WDR49: variants seen among roughly 807,000 people sequenced by gnomAD.
The protein encoded by WDR49 is cilia- and flagella-associated protein 337.
In WDR49, 107 loss-of-function variants were observed where a neutral mutation model predicts 119.5. That is an observed-to-expected ratio of 0.90 (90% CI 0.77 to 1.05). WDR49 has a LOEUF of 1.05. Ranked by LOEUF, WDR49 falls within the 50% of genes least tolerant of loss-of-function variation. The pLI, the probability that WDR49 is intolerant of heterozygous loss-of-function variation, is 0.00. For missense variants in WDR49, 1,240 were observed against 1,220.5 expected, an observed-to-expected ratio of 1.02 and a Z score of -0.24; for synonymous variants, 425 against 418.8, an observed-to-expected ratio of 1.01 and a Z score of -0.18.
intron 10 of WDR49, among the ~76,000 whole-genome samples, chr3:167,539,019 T>C (rs1469482266): frequency 6.6e-6 from 1 of 152,134 alleles, no homozygotes; most frequent in Non-Finnish European, 1.5e-5. Flanking sequence ...TATCCTTGCT[T>C]TTCAGTTATA....
At chr3:167,637,086 G>GT (rs1717654266) in intron 2 of WDR49, among the ~76,000 whole-genome samples, 1 of 151,726 alleles carries the variant, frequency 6.6e-6, no homozygotes, top group Non-Finnish European at 1.5e-5. Flanking sequence ...CTCTAGAATG[G>GT]TTTTTCCAAT....
At chr3:167,645,325 CT>C (rs1230163703) in intron 2 of WDR49, among the ~76,000 whole-genome samples, 4 of 152,086 alleles carry the variant, frequency 2.6e-5, no homozygotes, top group African/African-American at 7.2e-5. Context: ...ATTCTCCCCC[CT>C]CAGCCTCCCG....
chr3:167,640,640 C>T (rs974945553), intron 2 of WDR49, among the ~76,000 whole-genome samples: 5 of 151,694 alleles, frequency 3.3e-5, no homozygotes, highest in African/African-American at 1.2e-4. Context: ...TTGAGATTCC[C>T]GTTTAGTTGG....
At chr3:167,591,324 CAT>C (rs1460157796) in intron 7 of WDR49, among the ~76,000 whole-genome samples, 32 of 152,088 alleles carry the variant, frequency 2.1e-4, no homozygotes, top group Admixed American at 2.1e-3. Context: ...CATGACCTAA[CAT>C]ATGGTCTATC....
intron 7 of WDR49, among the ~76,000 whole-genome samples, chr3:167,581,125 G>A (rs1367381532): frequency 6.6e-6 from 1 of 152,060 alleles, no homozygotes; most frequent in Non-Finnish European, 1.5e-5. Context: ...AAGCACCTAA[G>A]TTTATGATTT....
At chr3:167,521,491 T>G (rs1752432549) in intron 16 of WDR49, among the ~76,000 whole-genome samples, 1 of 152,210 alleles carries the variant, frequency 6.6e-6, no homozygotes, top group African/African-American at 2.4e-5. Context: ...TCTCTGGTGT[T>G]TCACCTGTTT....
At chr3:167,617,510 T>A (rs1716657560) in intron 5 of WDR49, among the ~76,000 whole-genome samples, 1 of 152,108 alleles carries the variant, frequency 6.6e-6, no homozygotes, top group South Asian at 2.1e-4. Flanking sequence ...TGGGCGACAG[T>A]CTGAGTGAGA....
chr3:167,589,691 G>C (rs1257379453), intron 7 of WDR49, among the ~76,000 whole-genome samples: 1 of 151,732 alleles, frequency 6.6e-6, no homozygotes, highest in Non-Finnish European at 1.5e-5. Flanking sequence ...AATTTTATTT[G>C]TAGCTATTCT....
chr3:167,504,259 T>C (rs1751688099), intron 17 of WDR49, among the ~76,000 whole-genome samples: 1 of 152,126 alleles, frequency 6.6e-6, no homozygotes, highest in African/African-American at 2.4e-5. Context: ...CACTCAACTC[T>C]AACCCATGAG....
At chr3:167,604,521 T>C (rs920167086) in intron 5 of WDR49, 53 bp from the exon 6 acceptor site, 9 of 1,480,064 alleles carry the variant, frequency 6.1e-6, no homozygotes, top group Non-Finnish European at 8.1e-6. Flanking sequence ...CTTCACAAGA[T>C]ATTAGTAAAA....
intron 11 of WDR49, among the ~76,000 whole-genome samples, chr3:167,536,551 G>C (rs1047933753): frequency 6.6e-6 from 1 of 151,406 alleles, no homozygotes; most frequent in Non-Finnish European, 1.5e-5. Flanking sequence ...ATGGTGGGGC[G>C]TGCCTGTGGT....
Position 167,533,000 on chromosome 3 carries a change from T to C in WDR49, c.1955-23A>G, listed in dbSNP as rs150547864. 8.0e-4 allele frequency: 1,204 copies of C among 1,502,866 alleles called. 7 individuals are homozygous for C. In the African/African-American group the frequency reaches 0.013, roughly 17 times the overall value. 93.1% of individuals were successfully genotyped at this position (1,502,866 alleles called of 1,614,324 possible). On this transcript the variant is annotated intron_variant, in intron 11 of 18. Transcript: ENST00000682715. ...TCCCTACACAAGACAGGATGGAGAA[T>C]ATAAATTGCCAGGAGATTAAGATAG...
intron 13 of WDR49, among the ~76,000 whole-genome samples, chr3:167,530,016 A>G (rs1022538628): frequency 3.9e-5 from 6 of 152,108 alleles, no homozygotes; most frequent in Non-Finnish European, 8.8e-5. Context: ...ATCTGGGAAT[A>G]CTGATAACAT....
At chr3:167,617,976 AC>A (rs1189848776) in intron 5 of WDR49, among the ~76,000 whole-genome samples, 1 of 152,164 alleles carries the variant, frequency 6.6e-6, no homozygotes, top group Admixed American at 6.5e-5. Flanking sequence ...AAAGCCTTCG[AC>A]GTTTCACGGC....
rs1715937464 is a variant in WDR49 at position 167,604,403 on chromosome 3, T to C, written c.1024A>G (p.Met342Val). 6.2e-7 allele frequency: 1 copy of C among 1,613,610 alleles called. No homozygotes were observed. Among genetic ancestry groups the C allele is most frequent in the Non-Finnish European group, 8.5e-7 (1 of 1,179,882 alleles). ...TTTTTTGATTTCTCTCTCCAAGCCA[T>C]CACCACACTATTTGTATTGCTGGTT... is the stretch of plus-strand genomic sequence containing the variant. ...STTSNTNSVVMAWREKSKKRL... is the reference protein window; with the variant it reads ...STTSNTNSVVVAWREKSKKRL... The change falls in exon 6 of 19, where the codon ATG becomes GTG. Residue 342 changes from methionine (M) to valine (V), a missense_variant. Transcript: ENST00000682715.
At chr3:167,625,986 T>C (rs1378459681) in intron 3 of WDR49, among the ~76,000 whole-genome samples, 2 of 151,688 alleles carry the variant, frequency 1.3e-5, no homozygotes, top group South Asian at 2.1e-4. Flanking sequence ...ATATTAACCA[T>C]TCACGATGTT....
chr3:167,528,533 A>G (rs1399764827), intron 14 of WDR49, among the ~76,000 whole-genome samples: 1 of 141,372 alleles, frequency 7.1e-6, no homozygotes, highest in African/African-American at 2.8e-5. Flanking sequence ...TAAAATAAAT[A>G]AAATAAAATA....
intron 16 of WDR49, among the ~76,000 whole-genome samples, chr3:167,512,586 C>T (rs116233056): frequency 8.7e-4 from 132 of 152,234 alleles, no homozygotes; most frequent in African/African-American, 2.4e-3. Context: ...TCTCCAGAAA[C>T]GGCACAGAAC....
chr3:167,594,469 G>T (rs1252171817), intron 7 of WDR49, among the ~76,000 whole-genome samples: 1 of 152,144 alleles, frequency 6.6e-6, no homozygotes, highest in Non-Finnish European at 1.5e-5. Context: ...AGGGTATCTG[G>T]CAGAAGACAT....
Sources: gnomAD v4.1 joint callset for allele counts (sites outside exome capture counted in the v4.1 genomes callset) on GRCh38, gnomAD v4.1.1 for gene constraint, MANE v1.5 for transcripts, NCBI Gene and HGNC (gene_info 2026-07-23, HGNC 2026-07-21) for gene names.